MDN1: variants seen among roughly 807,000 people sequenced by gnomAD.
MDN1 encodes the protein midasin.
In MDN1, 266 loss-of-function variants were observed where a neutral mutation model predicts 669.2. That is an observed-to-expected ratio of 0.40 (90% CI 0.36 to 0.44). MDN1 has a LOEUF of 0.44. Ranked by LOEUF, MDN1 falls within the 20% of genes least tolerant of loss-of-function variation. The pLI is 1.00. For synonymous variants in MDN1, 2,385 were observed against 2,457.1 expected (o/e 0.97, Z 0.87); for missense variants, 5,940 against 6,754.0 (o/e 0.88, Z 4.22).
intron 1 of MDN1, among the ~76,000 whole-genome samples, chr6:89,815,803 C>G (rs997526632): frequency 3.3e-5 from 5 of 152,210 alleles, no homozygotes; most frequent in African/African-American, 1.2e-4. Context: ...CACAGAGTCA[C>G]TCGCCCACTG....
rs143060340 is a variant in MDN1, at chr6:89,653,044, C to T, written c.15773G>A (p.Arg5258Gln). Residue 5258 changes from arginine (R) to glutamine (Q), a missense_variant, in exon 94 of 102, where the codon CGA (arginine) becomes CAA (glutamine). Arg to Gln is a conservative substitution (Grantham distance 43). Coordinates refer to ENST00000369393, the MANE Select transcript of MDN1 (RefSeq NM_014611.3). ...ETENEKPERS[R>Q]ESTIHTAHQF... ...ATGAGCTGTATGAATGGTAGACTCT[C>T]GGCTTCTTTCTGGTTTCTCATTTTC... is the stretch of plus-strand genomic sequence containing the variant. 4.4e-5 allele frequency: 71 copies of T among 1,613,994 alleles called. No individual in the cohort carries two copies. The African/African-American group carries it at 7.5e-4, about 17-fold the overall frequency.
At chr6:89,737,877 C>T (rs1236378322) in intron 33 of MDN1, among the ~76,000 whole-genome samples, 1 of 152,024 alleles carries the variant, frequency 6.6e-6, no homozygotes, top group Non-Finnish European at 1.5e-5. Context: ...GTGCCCACCA[C>T]CACACCCAGC....
At chr6:89,652,098 G>A in intron 95 of MDN1, 94 bp downstream of exon 95, 1 of 914,550 alleles carries the variant, frequency 1.1e-6, no homozygotes. Context: ...TTTTGTTAAG[G>A]TAATTGCTAA....
intron 67 of MDN1, 151 bp downstream of exon 67, chr6:89,687,927 G>A: frequency 1.4e-6 from 1 of 729,074 alleles, no homozygotes; most frequent in Non-Finnish European, 2.4e-6. Flanking sequence ...AGCCTCACTT[G>A]CAATGATCTC....
intron 29 of MDN1, among the ~76,000 whole-genome samples, chr6:89,744,508 T>G (rs1055902408): frequency 6.6e-6 from 1 of 152,034 alleles, no homozygotes; most frequent in African/African-American, 2.4e-5. Context: ...GCTCAAGCGA[T>G]TCTTCTGCCT....
Position 89,692,520 on chromosome 6 carries a change from G to C in MDN1, c.10510C>G (p.Leu3504Val). 1 of 1,614,226 alleles carries C rather than the reference G, an allele frequency of 6.2e-7. No homozygotes were observed. The highest frequency in any genetic ancestry group is 1.1e-5 in the South Asian group (1 of 91,086). The change falls in exon 63 of 102, where the codon CTT becomes GTT. Residue 3504 changes from leucine to valine, a missense_variant. By Grantham distance (32) the Leu-to-Val change is conservative. Transcript: ENST00000369393. ...CATAACACGTGGGAGCGCAGGTAAA[G>C]GAGAGCATTCATCAGCAGCTGCTCC... ...TREQLLMNALLYLRSHVLCKG... is the reference protein window; with the variant it reads ...TREQLLMNALVYLRSHVLCKG...
chr6:89,791,177 T>G (rs879353140), intron 5 of MDN1, among the ~76,000 whole-genome samples: 3 of 152,160 alleles, frequency 2.0e-5, no homozygotes, highest in Non-Finnish European at 4.4e-5. Context: ...AAAGTTTAAG[T>G]AGCCAAAAAA....
At chr6:89,749,790 A>T in intron 24 of MDN1, 39 bp from the exon 25 acceptor site, 1 of 1,468,822 alleles carries the variant, frequency 6.8e-7, no homozygotes, top group Non-Finnish European at 9.5e-7. Flanking sequence ...TGTATAAATC[A>T]GTACAAAGTT....
chr6:89,813,956 G>A (rs553537946), intron 1 of MDN1, among the ~76,000 whole-genome samples: 85 of 151,718 alleles, frequency 5.6e-4, no homozygotes, highest in African/African-American at 1.8e-3. Context: ...AGCCAGACGC[G>A]GTGGCATGCC....
intron 41 of MDN1, 22 bp from the exon 42 acceptor site, chr6:89,719,052 A>C: frequency 3.1e-6 from 5 of 1,613,954 alleles, no homozygotes; most frequent in Non-Finnish European, 4.2e-6. Flanking sequence ...TGCCAGTGAG[A>C]TTTCCATAAG....
At chr6:89,776,040 T>C (rs957116725) in intron 12 of MDN1, among the ~76,000 whole-genome samples, 1 of 152,222 alleles carries the variant, frequency 6.6e-6, no homozygotes, top group South Asian at 2.1e-4. Context: ...GGAAAAACTC[T>C]GCATTAAGTT....
intron 15 of MDN1, among the ~76,000 whole-genome samples, chr6:89,764,984 C>T (rs1305644692): frequency 1.3e-5 from 2 of 152,024 alleles, no homozygotes; most frequent in South Asian, 2.1e-4. Flanking sequence ...CTGGGCTGGG[C>T]GCGGTGGCTC....
intron 30 of MDN1, 62 bp from the exon 31 acceptor site, chr6:89,743,342 AG>A: frequency 6.3e-7 from 1 of 1,596,284 alleles, no homozygotes; most frequent in East Asian, 2.2e-5. Flanking sequence ...ATATACATGC[AG>A]CTGGCTGGTG....
Position 89,680,621 on chromosome 6 carries a change from G to T in MDN1, c.12233C>A (p.Pro4078His). ...CTGATCAAGGCCCTCCACAAGGCGA[G>T]GCAGGGGGCTCTCCTTCATGAACGT... ...CLTFMKESPL[P>H]RLVEGLDQFT... The change falls in exon 74 of 102, where the codon CCT becomes CAT. Residue 4078 changes from proline (P) to histidine (H), a missense_variant. Pro to His is a moderately conservative substitution (Grantham distance 77). Transcript: ENST00000369393. 6.2e-7 allele frequency: 1 copy of T among 1,614,166 alleles called. No individual in the cohort carries two copies. Among genetic ancestry groups the T allele is most frequent in the Non-Finnish European group, 8.5e-7 (1 of 1,180,036 alleles).
intron 2 of MDN1, among the ~76,000 whole-genome samples, chr6:89,795,712 C>T (rs889957551): frequency 2.0e-5 from 3 of 151,872 alleles, no homozygotes; most frequent in South Asian, 2.1e-4. Flanking sequence ...CCAGCACTTT[C>T]GGAGGCTGAG....
chr6:89,815,322 C>T, intron 1 of MDN1: 1 of 480,360 alleles, frequency 2.1e-6, no homozygotes, highest in Non-Finnish European at 4.1e-6. Flanking sequence ...AGAAGCTGTC[C>T]CAAGAGCTGG....
At chr6:89,684,166 A>G (rs990335355) in intron 71 of MDN1, among the ~76,000 whole-genome samples, 1 of 152,144 alleles carries the variant, frequency 6.6e-6, no homozygotes, top group African/African-American at 2.4e-5. Context: ...AACATGGTGA[A>G]ACCCCGTCTC....
chr6:89,732,214 A>G (rs1416020699), intron 34 of MDN1, among the ~76,000 whole-genome samples: 2 of 151,872 alleles, frequency 1.3e-5, no homozygotes, highest in African/African-American at 4.8e-5. Context: ...TTTCTTTACA[A>G]TTTTAAGCAT....
intron 47 of MDN1, 22 bp from the exon 48 acceptor site, chr6:89,712,808 A>G: frequency 1.2e-6 from 2 of 1,600,764 alleles, no homozygotes; most frequent in Non-Finnish European, 1.7e-6. Flanking sequence ...CAAAAACACA[A>G]TACAGTGGTA....
Sources: gnomAD v4.1 joint callset for allele counts (sites outside exome capture counted in the v4.1 genomes callset) on GRCh38, gnomAD v4.1.1 for gene constraint, MANE v1.5 for transcripts, NCBI Gene and HGNC (gene_info 2026-07-23, HGNC 2026-07-21) for gene names.